The following DISC1 variants were observed in gnomAD, a reference collection of about 807,000 sequenced individuals.
DISC1 encodes the protein DISC1 scaffold protein.
DISC1 carries 57 observed loss-of-function variants against 84.5 expected under a neutral mutation model. The ratio of observed to expected loss-of-function variants is 0.67; its 90% CI spans 0.55 to 0.84. The LOEUF is 0.84. Ranked by LOEUF, DISC1 falls within the 40% of genes least tolerant of loss-of-function variation. The pLI, the probability that DISC1 is intolerant of heterozygous loss-of-function variation, is 0.00. For synonymous variants in DISC1, 411 were observed against 415.2 expected (o/e 0.99, Z 0.12); for missense variants, 1,000 against 1,057.8 (o/e 0.95, Z 0.76).
At chr1:231,920,794 T>TA (rs1426938695) in intron 9 of DISC1, among the ~76,000 whole-genome samples, 1 of 152,174 alleles carries the variant, frequency 6.6e-6, no homozygotes, top group East Asian at 1.9e-4. Flanking sequence ...ACTTTTATAC[T>TA]AAAAAATTAT....
chr1:231,796,884 T>C (rs1223586476), intron 7 of DISC1, among the ~76,000 whole-genome samples: 1 of 151,962 alleles, frequency 6.6e-6, no homozygotes, highest in South Asian at 2.1e-4. Flanking sequence ...CCAGCTAAAT[T>C]TGTTTGATTT....
At chr1:231,866,526 A>G (rs751602008) in intron 9 of DISC1, 7 of 821,566 alleles carry the variant, frequency 8.5e-6, no homozygotes. Context: ...ACCTTAGGAT[A>G]TAAGTACTGT....
chr1:231,780,633 C>A (rs2077342665), intron 6 of DISC1, among the ~76,000 whole-genome samples: 2 of 120,050 alleles, frequency 1.7e-5, no homozygotes, highest in African/African-American at 6.5e-5. Flanking sequence ...CTGGAAATAC[C>A]ATTTGACCCA....
chr1:231,742,239 TATCCAATTAGTGAATAGGGGTGTC>T (rs983340860), intron 3 of DISC1, among the ~76,000 whole-genome samples: 1 of 152,158 alleles, frequency 6.6e-6, no homozygotes, highest in Non-Finnish European at 1.5e-5. Context: ...CTGCCTGGAA[TATCCAATTAGTGAATAGGGGTGTC>T]ATTCGGGGAA....
chr1:231,720,246 C>G (rs2069458429), intron 3 of DISC1, among the ~76,000 whole-genome samples: 1 of 152,114 alleles, frequency 6.6e-6, no homozygotes, highest in South Asian at 2.1e-4. Context: ...CGCAGGTACC[C>G]CACTATAGTC....
intron 4 of DISC1, among the ~76,000 whole-genome samples, chr1:231,763,258 G>A (rs1311065593): frequency 6.6e-6 from 1 of 152,136 alleles, no homozygotes; most frequent in Non-Finnish European, 1.5e-5. Flanking sequence ...ACCGGGACTC[G>A]GTTTCCTCAT....
intron 6 of DISC1, among the ~76,000 whole-genome samples, chr1:231,788,649 G>A (rs2078073848): frequency 6.6e-6 from 1 of 152,190 alleles, no homozygotes; most frequent in Admixed American, 6.5e-5. Context: ...AAACCAGAGA[G>A]TAAGACTTCT....
intron 9 of DISC1, among the ~76,000 whole-genome samples, chr1:231,888,329 A>G (rs1417110603): frequency 6.6e-6 from 1 of 152,126 alleles, no homozygotes; most frequent in African/African-American, 2.4e-5. Context: ...GGAAGGTACC[A>G]TGGATGCAGG....
At chr1:231,953,075 G>A (rs1267219257) in intron 9 of DISC1, among the ~76,000 whole-genome samples, 1 of 152,142 alleles carries the variant, frequency 6.6e-6, no homozygotes, top group African/African-American at 2.4e-5. Flanking sequence ...TTAACCAACT[G>A]TAAAATGGTG....
chr1:231,799,082 G>T (rs1453236329), intron 7 of DISC1, among the ~76,000 whole-genome samples: 5 of 152,024 alleles, frequency 3.3e-5, no homozygotes, highest in Admixed American at 1.3e-4. Context: ...TGATGTTTTA[G>T]CCTCCAACAA....
At chr1:231,805,494 G>C (rs565635050) in intron 8 of DISC1, among the ~76,000 whole-genome samples, 1 of 152,096 alleles carries the variant, frequency 6.6e-6, no homozygotes, top group African/African-American at 2.4e-5. Context: ...GGAGGGGGGT[G>C]GGGGAGGTGC....
chr1:231,741,808 G>T (rs1161859470), intron 3 of DISC1, among the ~76,000 whole-genome samples: 1 of 152,154 alleles, frequency 6.6e-6, no homozygotes, highest in East Asian at 1.9e-4. Context: ...TGCTTTTCTG[G>T]TTCCCTATGT....
chr1:231,741,767 AC>A (rs1188425977), intron 3 of DISC1, among the ~76,000 whole-genome samples: 10 of 152,118 alleles, frequency 6.6e-5, no homozygotes. Flanking sequence ...ATTCTCCTGA[AC>A]CCTGCTCCCA....
At chr1:231,803,386 C>T in intron 8 of DISC1, among the ~76,000 whole-genome samples, 1 of 152,190 alleles carries the variant, frequency 6.6e-6, no homozygotes, top group East Asian at 1.9e-4. Context: ...ACCTTTATCT[C>T]TCACAGTCTC....
chr1:231,790,055 A>G (rs2078210243), intron 6 of DISC1, among the ~76,000 whole-genome samples: 1 of 152,182 alleles, frequency 6.6e-6, no homozygotes, highest in South Asian at 2.1e-4. Flanking sequence ...AACTATAGAC[A>G]AGAATGGTAA....
intron 4 of DISC1, among the ~76,000 whole-genome samples, chr1:231,762,510 T>G (rs1451729079): frequency 1.3e-4 from 6 of 45,184 alleles, no homozygotes; most frequent in Non-Finnish European, 2.2e-4. Context: ...TTTAGTTTTG[T>G]TTTGTTTTTT....
At chr1:231,763,381 A>AT (rs1358708626) in intron 4 of DISC1, among the ~76,000 whole-genome samples, 1 of 152,152 alleles carries the variant, frequency 6.6e-6, no homozygotes, top group Non-Finnish European at 1.5e-5. Flanking sequence ...ACTTTATTTT[A>AT]TTATTATCAG....
intron 9 of DISC1, among the ~76,000 whole-genome samples, chr1:231,884,662 A>G (rs1473844673): frequency 6.6e-6 from 1 of 152,128 alleles, no homozygotes; most frequent in African/African-American, 2.4e-5. Flanking sequence ...GGAGGAGGGT[A>G]AGGATTGAAA....
Position 231,769,371 on chromosome 1 carries a change from A to C in DISC1, c.1399-1464A>C, listed in dbSNP as rs566856846. On this transcript the variant is annotated intron_variant, in intron 5 of 12. Coordinates refer to ENST00000439617, the MANE Select transcript of DISC1 (RefSeq NM_018662.3). ...ATAGCCAAAAGGTGATAACAACTCA[A>C]GTGCTCATCAACAGATAAATGATAA... Among the ~76,000 whole-genome samples the C allele has an allele frequency of 2.0e-5, 3 of 152,372 alleles. No individual in the cohort carries two copies. In the South Asian group the frequency reaches 6.2e-4, roughly 32 times the overall value.
Sources: allele counts gnomAD v4.1 joint callset (sites outside exome capture counted in the v4.1 genomes callset), GRCh38; gene constraint gnomAD v4.1.1; transcripts MANE v1.5; gene names NCBI Gene and HGNC (gene_info 2026-07-23, HGNC 2026-07-21).